JAK2: variants seen among roughly 807,000 people sequenced by gnomAD.
The protein encoded by JAK2 is tyrosine-protein kinase JAK2.
In JAK2, 86 loss-of-function variants were observed where a neutral mutation model predicts 139.3. The observed-to-expected ratio is 0.62, with a 90% confidence interval of 0.52 to 0.74. The LOEUF (loss-of-function observed/expected upper bound fraction) is 0.74. Among genes scored for constraint, JAK2 ranks in the 30% least tolerant of loss-of-function variants. The pLI, the probability that JAK2 is intolerant of heterozygous loss-of-function variation, is 0.00. For missense variants in JAK2, 1,421 were observed against 1,360.3 expected, an observed-to-expected ratio of 1.04 and a Z score of -0.70; for synonymous variants, 490 against 437.7, an observed-to-expected ratio of 1.12 and a Z score of -1.49.
chr9:5,082,021 G>C (rs1819737228), intron 19 of JAK2, among the ~76,000 whole-genome samples, 160 bp downstream of exon 19: 1 of 152,224 alleles, frequency 6.6e-6, no homozygotes, highest in Non-Finnish European at 1.5e-5. Context: ...TAAATAAACA[G>C]CTATCTTTAC....
In JAK2 at chr9:5,126,972, C is replaced by A; in HGVS notation, c.*181C>A. 1 of 370,804 alleles carries A rather than the reference C, an allele frequency of 2.7e-6. No individual in the cohort carries two copies. Among genetic ancestry groups the A allele is most frequent in the African/African-American group, 2.1e-5 (1 of 47,782 alleles). The allele number at this position is 370,804 out of a possible 1,614,324, so 23.0% of individuals were successfully genotyped here. On this transcript the variant is annotated 3_prime_UTR_variant, in exon 25 of 25. Coordinates refer to ENST00000381652, the MANE Select transcript of JAK2 (RefSeq NM_004972.4). ...TAGTAAGTTTTTCTTCATGAGGCCACCAGTAAAAGACATTAATGAGAATTC... is the reference window on the plus strand; with the variant it reads ...TAGTAAGTTTTTCTTCATGAGGCCAACAGTAAAAGACATTAATGAGAATTC...
rs553152528 is a variant in JAK2 at position 5,128,481 on chromosome 9, T to TATCA, written c.*1691_*1694dup. Among the ~76,000 whole-genome samples, 162 of 152,000 alleles carry TATCA rather than the reference T, an allele frequency of 1.1e-3. No individual in the cohort carries two copies. The highest frequency in any genetic ancestry group is 2.0e-3 in the Non-Finnish European group (133 of 67,768). ...ACTACCTTTCAAGTGAAAAATAGCC[T>TATCA]ATCATACAATATGCTTGATTTCAGA... On this transcript the variant is annotated 3_prime_UTR_variant, in exon 25 of 25. Coordinates refer to ENST00000381652, the MANE Select transcript of JAK2 (RefSeq NM_004972.4).
intron 8 of JAK2, among the ~76,000 whole-genome samples, chr9:5,064,250 G>A (rs1818405351): frequency 6.6e-6 from 1 of 152,124 alleles, no homozygotes; most frequent in African/African-American, 2.4e-5. Context: ...GGTATGTAGG[G>A]CTGATGCCGT....
chr9:5,121,540 C>A (rs1488851351), intron 22 of JAK2, among the ~76,000 whole-genome samples: 1 of 152,134 alleles, frequency 6.6e-6, no homozygotes, highest in African/African-American at 2.4e-5. Context: ...CCCACAGAAA[C>A]TGGGAGTAAG....
intron 14 of JAK2, among the ~76,000 whole-genome samples, chr9:5,076,830 T>G (rs1279974069): frequency 6.6e-6 from 1 of 152,232 alleles, no homozygotes; most frequent in Non-Finnish European, 1.5e-5. Context: ...AGCAGTGGTT[T>G]GGAACCTGTT....
At chr9:4,987,597 G>T (rs1168173859) in intron 2 of JAK2, among the ~76,000 whole-genome samples, 1 of 151,430 alleles carries the variant, frequency 6.6e-6, no homozygotes, top group Non-Finnish European at 1.5e-5. Flanking sequence ...TTAGCCGGGC[G>T]TGGTGGTGCA....
chr9:5,002,169 T>C (rs1487674081), intron 2 of JAK2, among the ~76,000 whole-genome samples: 1 of 151,856 alleles, frequency 6.6e-6, no homozygotes, highest in African/African-American at 2.4e-5. Context: ...TTATATATTA[T>C]TAATTTTTGT....
chr9:4,997,506 A>G (rs757179997), intron 2 of JAK2, among the ~76,000 whole-genome samples: 3 of 152,156 alleles, frequency 2.0e-5, no homozygotes, highest in Non-Finnish European at 4.4e-5. Context: ...TATCTTCAGG[A>G]CAGCACCAAG....
chr9:5,029,871 T>G lies in JAK2; in HGVS notation c.315T>G (p.Asp105Glu). 1 of 1,612,728 alleles carries G rather than the reference T, an allele frequency of 6.2e-7. No homozygotes were observed. Among genetic ancestry groups the G allele is most frequent in the Non-Finnish European group, 8.5e-7 (1 of 1,179,140 alleles). ...CACCCAACCATGTCTTCCATATAGA[T>G]GAGTCAACCAGGCATAATGTACTCT... ...WYPPNHVFHI[D>E]ESTRHNVLYR... Residue 105 changes from aspartate (D) to glutamate (E), a missense_variant, in exon 4 of 25, where the codon GAT (aspartate) becomes GAG (glutamate). Physicochemically the swap from Asp to Glu is conservative, Grantham distance 45. Transcript: ENST00000381652.
chr9:5,095,739 A>G (rs1462345836), intron 22 of JAK2, among the ~76,000 whole-genome samples: 1 of 152,172 alleles, frequency 6.6e-6, no homozygotes, highest in Non-Finnish European at 1.5e-5. Context: ...GACTTAATCA[A>G]ACACAATTCT....
At chr9:5,123,769 C>T (rs1823788898) in intron 23 of JAK2, among the ~76,000 whole-genome samples, 1 of 151,960 alleles carries the variant, frequency 6.6e-6, no homozygotes, top group Non-Finnish European at 1.5e-5. Context: ...TTCTCACCAA[C>T]AGTGTATAAG....
intron 3 of JAK2, among the ~76,000 whole-genome samples, chr9:5,029,001 G>C (rs1822967309): frequency 6.6e-6 from 1 of 152,044 alleles, no homozygotes; most frequent in African/African-American, 2.4e-5. Context: ...CTTTTTCTTT[G>C]CATTCAGAAC....
At chr9:5,077,670 C>G in intron 15 of JAK2, 90 bp downstream of exon 15, 1 of 787,716 alleles carries the variant, frequency 1.3e-6, no homozygotes, top group Non-Finnish European at 1.8e-6. Context: ...AAAAATAAAT[C>G]TGTAATTGGA....
At chr9:4,994,341 G>A (rs190239625) in intron 2 of JAK2, among the ~76,000 whole-genome samples, 6 of 152,232 alleles carry the variant, frequency 3.9e-5, no homozygotes, top group Admixed American at 2.0e-4. Context: ...TAACCCACTG[G>A]TTCTTATCAG....
chr9:5,069,951 A>G lies in JAK2; in HGVS notation c.1540A>G (p.Thr514Ala), dbSNP rs765606878. 4.4e-6 allele frequency: 7 copies of G among 1,604,618 alleles called. No individual in the cohort carries two copies. The highest frequency in any genetic ancestry group is 1.1e-5 in the South Asian group (1 of 90,218). ...TAAATCAAACCTTCTAGTCTTCAGAACGAATGGTGTTTCTGATGTACCAAC... is the reference window on the plus strand; with the variant it reads ...TAAATCAAACCTTCTAGTCTTCAGAGCGAATGGTGTTTCTGATGTACCAAC... ...KDKSNLLVFR[T>A]NGVSDVPTSP... Residue 514 changes from threonine (T) to alanine (A), a missense_variant, in exon 12 of 25, where the codon ACG becomes GCG. Transcript: ENST00000381652.
chr9:5,067,142 C>T (rs1366099374), intron 10 of JAK2, among the ~76,000 whole-genome samples: 3 of 151,996 alleles, frequency 2.0e-5, no homozygotes, highest in Non-Finnish European at 2.9e-5. Flanking sequence ...CAAAATAAAT[C>T]GGAAGCAAAT....
intron 4 of JAK2, chr9:5,041,993 T>C: frequency 2.0e-5 from 7 of 357,344 alleles, no homozygotes; most frequent in Non-Finnish European, 3.8e-5. Flanking sequence ...TGTGAGGGCC[T>C]TGGGGCCCAC....
chr9:5,034,249 T>G (rs1329908229), intron 4 of JAK2, among the ~76,000 whole-genome samples: 1 of 152,074 alleles, frequency 6.6e-6, no homozygotes, highest in Non-Finnish European at 1.5e-5. Context: ...AGCAAGTCCT[T>G]AGAGACCTAC....
At chr9:5,050,648 CTT>C in intron 5 of JAK2, 36 bp from the exon 6 acceptor site, 1 of 1,578,708 alleles carries the variant, frequency 6.3e-7, no homozygotes, top group Non-Finnish European at 8.7e-7. Flanking sequence ...GATAATGAAA[CTT>C]ACGATGAGAT....
Sources: gnomAD v4.1 joint callset for allele counts (sites outside exome capture counted in the v4.1 genomes callset) on GRCh38, gnomAD v4.1.1 for gene constraint, MANE v1.5 for transcripts, NCBI Gene and HGNC (gene_info 2026-07-23, HGNC 2026-07-21) for gene names.